The following DPP10 variants were observed in gnomAD, a reference collection of about 807,000 sequenced individuals.
DPP10 encodes the protein inactive dipeptidyl peptidase 10.
A neutral mutation model predicts 120.9 loss-of-function variants in DPP10; 33 were observed. That is an observed-to-expected ratio of 0.27 (90% confidence interval 0.21 to 0.37). The LOEUF (loss-of-function observed/expected upper bound fraction) is 0.37, where lower values mean the gene tolerates loss of function less well. DPP10 is among the 10% of genes least tolerant of loss of function. The pLI, the probability that DPP10 is intolerant of heterozygous loss-of-function variation, is 1.00. For missense variants in DPP10, 816 were observed against 942.8 expected, an observed-to-expected ratio of 0.87 and a Z score of 1.76; for synonymous variants, 337 against 326.1, an observed-to-expected ratio of 1.03 and a Z score of -0.36.
chr2:114,911,654 A>G (rs1395238968), intron 1 of DPP10, among the ~76,000 whole-genome samples: 1 of 152,196 alleles, frequency 6.6e-6, no homozygotes, highest in Non-Finnish European at 1.5e-5. Flanking sequence ...GCAGAAAGCA[A>G]TCCCGGCAGA....
At chr2:114,808,496 A>T (rs1684921228) in intron 1 of DPP10, among the ~76,000 whole-genome samples, 1 of 152,098 alleles carries the variant, frequency 6.6e-6, no homozygotes, top group Non-Finnish European at 1.5e-5. Flanking sequence ...CCAAACATAA[A>T]AGTGGGAACA....
chr2:114,865,098 G>A (rs1690120438), intron 1 of DPP10, among the ~76,000 whole-genome samples: 1 of 152,160 alleles, frequency 6.6e-6, no homozygotes, highest in African/African-American at 2.4e-5. Context: ...CGGGACATCT[G>A]GTACTATGGA....
At chr2:115,539,614 A>G (rs1296825971) in intron 5 of DPP10, among the ~76,000 whole-genome samples, 1 of 151,986 alleles carries the variant, frequency 6.6e-6, no homozygotes, top group East Asian at 1.9e-4. Flanking sequence ...ACAGGAAAAA[A>G]GAGATGTGAC....
intron 1 of DPP10, among the ~76,000 whole-genome samples, chr2:114,865,821 C>T (rs183429455): frequency 1.9e-4 from 29 of 152,220 alleles, no homozygotes; most frequent in Admixed American, 1.9e-3. Flanking sequence ...TAATTTAAAG[C>T]TTATGTGTTG....
At chr2:115,546,750 G>A (rs1306356135) in intron 5 of DPP10, among the ~76,000 whole-genome samples, 2 of 152,082 alleles carry the variant, frequency 1.3e-5, no homozygotes, top group East Asian at 1.9e-4. Context: ...AACTAAAGGT[G>A]TAAATTCTGG....
At chr2:114,872,857 G>A (rs1690804633) in intron 1 of DPP10, among the ~76,000 whole-genome samples, 1 of 152,102 alleles carries the variant, frequency 6.6e-6, no homozygotes, top group African/African-American at 2.4e-5. Flanking sequence ...GCATTTAAAG[G>A]AAAATACCAA....
intron 3 of DPP10, among the ~76,000 whole-genome samples, chr2:115,481,454 C>T (rs961759073): frequency 5.3e-5 from 8 of 152,006 alleles, no homozygotes; most frequent in South Asian, 2.1e-4. Flanking sequence ...CAGAGATAAC[C>T]GGTATTGCAG....
At chr2:114,648,329 C>G (rs1010915216) in intron 1 of DPP10, among the ~76,000 whole-genome samples, 2 of 152,186 alleles carry the variant, frequency 1.3e-5, no homozygotes, top group Admixed American at 6.5e-5. Flanking sequence ...TGTTGGCTAG[C>G]AAGTAGGGTT....
chr2:115,429,390 G>GA (rs2070768585), intron 3 of DPP10, among the ~76,000 whole-genome samples: 1 of 151,974 alleles, frequency 6.6e-6, no homozygotes, highest in Non-Finnish European at 1.5e-5. Context: ...AAAATGTTTG[G>GA]AAAAAATAAA....
chr2:114,683,246 T>C (rs1419050682), intron 1 of DPP10, among the ~76,000 whole-genome samples: 1 of 152,018 alleles, frequency 6.6e-6, no homozygotes, highest in African/African-American at 2.4e-5. Context: ...CTTTCTCCCA[T>C]TTAGTTTTTT....
chr2:115,633,146 G>T (rs1294115656), intron 5 of DPP10, among the ~76,000 whole-genome samples: 9 of 152,118 alleles, frequency 5.9e-5, no homozygotes, highest in Admixed American at 6.5e-5. Context: ...GTTTATTATG[G>T]CACTATTCAC....
rs979076948 is a variant in DPP10, at chr2:114,974,068, G to A, written c.61-335171G>A. On this transcript the variant is annotated intron_variant, in intron 1 of 25. Coordinates refer to ENST00000410059, the MANE Select transcript of DPP10 (RefSeq NM_020868.6). ...TTAGTTTATAAAGTAAAAAACTGCA[G>A]TAAGCTAAGGTAAATTTACTACCGA... Among the ~76,000 whole-genome samples, 38 of 152,240 alleles carry A rather than the reference G, an allele frequency of 2.5e-4. 1 individual carries two copies. Among genetic ancestry groups the A allele is most frequent in the African/African-American group, 8.7e-4 (36 of 41,544 alleles).
chr2:114,535,915 G>T (rs765266281), intron 1 of DPP10, among the ~76,000 whole-genome samples: 1 of 152,156 alleles, frequency 6.6e-6, no homozygotes, highest in Non-Finnish European at 1.5e-5. Context: ...ACATGCAGGT[G>T]TGTGTATCCA....
intron 5 of DPP10, among the ~76,000 whole-genome samples, chr2:115,641,202 T>TGCCTG (rs2086748412): frequency 6.6e-6 from 1 of 152,170 alleles, no homozygotes; most frequent in Non-Finnish European, 1.5e-5. Flanking sequence ...TTAAATGATC[T>TGCCTG]GCCTGTGTTC....
intron 1 of DPP10, among the ~76,000 whole-genome samples, chr2:114,585,035 C>T (rs1482965982): frequency 6.6e-6 from 1 of 152,142 alleles, no homozygotes; most frequent in Admixed American, 6.5e-5. Context: ...TAACAAATTA[C>T]CACACACTTA....
At chr2:115,353,810 C>G (rs1235451912) in intron 3 of DPP10, among the ~76,000 whole-genome samples, 1 of 152,122 alleles carries the variant, frequency 6.6e-6, no homozygotes, top group Non-Finnish European at 1.5e-5. Flanking sequence ...CTAGAAGCCA[C>G]ATCTTTCATG....
At chr2:115,135,801 T>C (rs192235447) in intron 1 of DPP10, among the ~76,000 whole-genome samples, 17 of 152,248 alleles carry the variant, frequency 1.1e-4, no homozygotes, top group Non-Finnish European at 1.5e-4. Context: ...TTCCAGACCA[T>C]TTTGCAGAAG....
chr2:115,260,246 A>G (rs2059194960), intron 1 of DPP10, among the ~76,000 whole-genome samples: 1 of 152,048 alleles, frequency 6.6e-6, no homozygotes, highest in Non-Finnish European at 1.5e-5. Context: ...ATTATTTTCA[A>G]GCCTTTTGTT....
At chr2:114,513,899 T>C (rs945833242) in intron 1 of DPP10, among the ~76,000 whole-genome samples, 1 of 152,228 alleles carries the variant, frequency 6.6e-6, no homozygotes, top group Non-Finnish European at 1.5e-5. Flanking sequence ...TTTGAAACTT[T>C]TAAGAAATCA....
Sources: allele counts gnomAD v4.1 joint callset (sites outside exome capture counted in the v4.1 genomes callset), GRCh38; gene constraint gnomAD v4.1.1; transcripts MANE v1.5; gene names NCBI Gene and HGNC (gene_info 2026-07-23, HGNC 2026-07-21).